The following ENPP6 variants were observed in gnomAD, a reference collection of about 807,000 sequenced individuals.
ENPP6 encodes glycerophosphocholine cholinephosphodiesterase ENPP6.
In ENPP6, 32 loss-of-function variants were observed where a neutral mutation model predicts 42.0. The observed-to-expected ratio is 0.76, with a 90% CI of 0.58 to 1.02. ENPP6 has a LOEUF of 1.02. Ranked by LOEUF, ENPP6 falls within the 50% of genes least tolerant of loss-of-function variation. The pLI, the probability that ENPP6 is intolerant of heterozygous loss-of-function variation, is 0.00. For synonymous variants in ENPP6, 213 were observed against 216.0 expected, an observed-to-expected ratio of 0.99 and a Z score of 0.12; for missense variants, 552 against 566.8, an observed-to-expected ratio of 0.97 and a Z score of 0.27.
At chr4:184,162,556 GAAA>G (rs56277422) in intron 1 of ENPP6, among the ~76,000 whole-genome samples, 48,595 of 128,488 alleles carry the variant, frequency 0.38, 9,338 homozygotes, top group Admixed American at 0.55. Flanking sequence ...AAGAAGGAAG[GAAA>G]GAAGGAAGGA....
At chr4:184,123,108 A>G (rs1243433061) in intron 3 of ENPP6, among the ~76,000 whole-genome samples, 3 of 152,194 alleles carry the variant, frequency 2.0e-5, no homozygotes, top group Non-Finnish European at 4.4e-5. Flanking sequence ...GTTTCGTGGA[A>G]GTGGAATCAT....
At chr4:184,211,106 A>G (rs963457808) in intron 1 of ENPP6, among the ~76,000 whole-genome samples, 12 of 150,996 alleles carry the variant, frequency 7.9e-5, no homozygotes, top group Admixed American at 7.3e-4. Flanking sequence ...AGGGAAATTT[A>G]TAGCACTAAA....
intron 2 of ENPP6, among the ~76,000 whole-genome samples, chr4:184,151,960 G>A (rs530742163): frequency 6.6e-6 from 1 of 152,204 alleles, no homozygotes; most frequent in Non-Finnish European, 1.5e-5. Flanking sequence ...TTTGCTCAAA[G>A]GTGTCTTGCG....
intron 1 of ENPP6, among the ~76,000 whole-genome samples, chr4:184,161,616 T>C (rs1737257953): frequency 2.0e-5 from 3 of 151,996 alleles, no homozygotes; most frequent in Admixed American, 2.0e-4. Context: ...ATTGCAAAAA[T>C]AGGGAATCAG....
At chr4:184,210,813 C>T (rs1276341073) in intron 1 of ENPP6, among the ~76,000 whole-genome samples, 11 of 152,090 alleles carry the variant, frequency 7.2e-5, no homozygotes, top group Non-Finnish European at 1.5e-4. Context: ...AACACCTATT[C>T]CAAAATTGAC....
chr4:184,217,352 G>A (rs558392981), intron 1 of ENPP6, among the ~76,000 whole-genome samples: 6 of 152,226 alleles, frequency 3.9e-5, no homozygotes, highest in East Asian at 1.9e-4. Flanking sequence ...TCTGTCCTCC[G>A]CACTGAGAAT....
chr4:184,176,550 T>G (rs1737563668), intron 1 of ENPP6, among the ~76,000 whole-genome samples: 2 of 152,062 alleles, frequency 1.3e-5, no homozygotes, highest in African/African-American at 4.8e-5. Flanking sequence ...TGAGCACACC[T>G]CCTGCGGCAC....
In ENPP6 at chr4:184,130,571, C is replaced by CA. The variant is rs1303039905; in HGVS notation, c.422-6300dup. On this transcript the variant is annotated intron_variant, in intron 2 of 7. Coordinates refer to ENST00000296741, the MANE Select transcript of ENPP6 (RefSeq NM_153343.4). The stretch of plus-strand genomic sequence containing the variant: ...AGACTCCAAATCAAACAAAACAAAA[C>CA]AAAAAAAAAAGAGCTTGGGTTTTAA... Among the ~76,000 whole-genome samples the CA allele has an allele frequency of 3.6e-3, 150 of 41,978 alleles. 46 individuals are homozygous for CA. The highest frequency in any genetic ancestry group is 9.4e-3 in the African/African-American group (129 of 13,746). 27.5% of individuals were successfully genotyped at this position (41,978 alleles called of 152,430 possible).
rs116196276 is a variant in ENPP6, at chr4:184,175,104, G to A, written c.242-21371C>T. Among the ~76,000 whole-genome samples the A allele has an allele frequency of 5.2e-3, 789 of 152,164 alleles. 9 individuals carry two copies. The highest frequency in any genetic ancestry group is 0.018 in the African/African-American group (743 of 41,506). ...CTCTTGGCTCCCAGGACCTGACCCC[G>A]CTCTCCCTCCTTGCCCAGTGCCCCA... On this transcript the variant is annotated intron_variant, in intron 1 of 7. Transcript: ENST00000296741.
chr4:184,095,611 G>T (rs187560920), intron 7 of ENPP6, among the ~76,000 whole-genome samples: 2 of 151,392 alleles, frequency 1.3e-5, no homozygotes, highest in African/African-American at 4.9e-5. Context: ...AGTGAGCTGA[G>T]ATGGCACCAT....
intron 6 of ENPP6, among the ~76,000 whole-genome samples, chr4:184,104,221 A>T (rs1736051269): frequency 6.6e-6 from 1 of 152,078 alleles, no homozygotes. Context: ...CGTTTTCCAG[A>T]TTGTCTTGAT....
At chr4:184,102,375 C>T (rs6810830) in intron 6 of ENPP6, among the ~76,000 whole-genome samples, 96,772 of 152,078 alleles carry the variant, frequency 0.64, 31,295 homozygotes, top group African/African-American at 0.74. Flanking sequence ...TTATTTGCCG[C>T]TTCACATGGG....
At chr4:184,109,988 G>C (rs1049298296) in intron 6 of ENPP6, among the ~76,000 whole-genome samples, 1 of 152,142 alleles carries the variant, frequency 6.6e-6, no homozygotes, top group Non-Finnish European at 1.5e-5. Flanking sequence ...GGGAGGATGT[G>C]GGGGAGATGG....
chr4:184,210,750 A>G (rs1436092001), intron 1 of ENPP6, among the ~76,000 whole-genome samples: 3 of 151,554 alleles, frequency 2.0e-5, no homozygotes, highest in Non-Finnish European at 4.4e-5. Context: ...ATAGACATCT[A>G]CGGAACTCTC....
intron 2 of ENPP6, among the ~76,000 whole-genome samples, chr4:184,139,490 A>G (rs1432358816): frequency 2.9e-5 from 4 of 135,674 alleles, no homozygotes; most frequent in Admixed American, 7.2e-5. Context: ...ATATCTCCCA[A>G]TGCTATCCCT....
chr4:184,153,903 A>G (rs188008899), intron 1 of ENPP6, among the ~76,000 whole-genome samples, 170 bp from the exon 2 acceptor site: 3 of 152,126 alleles, frequency 2.0e-5, no homozygotes, highest in Admixed American at 6.5e-5. Flanking sequence ...AAGCTGTGCC[A>G]TGAAGGTAGA....
intron 1 of ENPP6, among the ~76,000 whole-genome samples, chr4:184,172,020 G>T (rs1358374877): frequency 1.3e-5 from 2 of 152,124 alleles, no homozygotes; most frequent in Non-Finnish European, 2.9e-5. Context: ...CGGCCGGGAG[G>T]GTTTGGAGGG....
intron 1 of ENPP6, among the ~76,000 whole-genome samples, chr4:184,164,488 G>C (rs1001783818): frequency 6.6e-6 from 1 of 152,210 alleles, no homozygotes; most frequent in Admixed American, 6.5e-5. Context: ...AATGTGGACA[G>C]AGAGACTGAC....
chr4:184,110,278 A>G (rs144270991), intron 6 of ENPP6, among the ~76,000 whole-genome samples: 11 of 152,260 alleles, frequency 7.2e-5, no homozygotes, highest in African/African-American at 2.2e-4. Flanking sequence ...CTTCAGCACA[A>G]CTTCAGATCT....
Sources: allele counts gnomAD v4.1 joint callset (sites outside exome capture counted in the v4.1 genomes callset), GRCh38; gene constraint gnomAD v4.1.1; transcripts MANE v1.5; gene names NCBI Gene and HGNC (gene_info 2026-07-23, HGNC 2026-07-21).